Variants in DCAF5 observed in about 807,000 individuals in gnomAD.
DCAF5 encodes the protein DDB1- and CUL4-associated factor 5.
In DCAF5, 9 loss-of-function variants were observed where a neutral mutation model predicts 80.7. The observed-to-expected ratio is 0.11, with a 90% CI of 0.07 to 0.19. The LOEUF is 0.19. Among genes scored for constraint, DCAF5 ranks in the 10% least tolerant of loss-of-function variants. The pLI is 1.00. For missense variants in DCAF5, 842 were observed against 1,205.7 expected (o/e 0.70, Z 4.47); for synonymous variants, 433 against 461.9 (o/e 0.94, Z 0.80).
intron 1 of DCAF5, among the ~76,000 whole-genome samples, chr14:69,147,048 T>C (rs35008190): frequency 0.029 from 4,395 of 151,920 alleles, 75 homozygotes; most frequent in Non-Finnish European, 0.039. Flanking sequence ...AATGTGCTTT[T>C]AGACTAATTT....
At position 69,054,854 on chromosome 14, in the gene DCAF5, C is replaced by T. The variant is rs750926448; in HGVS notation, c.1832G>A (p.Gly611Glu). ...CTGGGGGTAATCATAGTTGTCTTCTCCAATGTAAGTGTTGGTGGGCTTGAT... is the reference window on the plus strand; with the variant it reads ...CTGGGGGTAATCATAGTTGTCTTCTTCAATGTAAGTGTTGGTGGGCTTGAT... ...APIKPTNTYI[G>E]EDNYDYPQIK... Residue 611 changes from glycine to glutamate, a missense_variant, in exon 9 of 9, where the codon GGA becomes GAA. Transcript: ENST00000341516. 6.2e-7 allele frequency: 1 copy of T among 1,614,010 alleles called. No individual in the cohort carries two copies. Among genetic ancestry groups the T allele is most frequent in the African/African-American group, 1.3e-5 (1 of 74,912 alleles).
At chr14:69,069,624 C>T (rs1331397901) in intron 7 of DCAF5, among the ~76,000 whole-genome samples, 3 of 152,042 alleles carry the variant, frequency 2.0e-5, no homozygotes, top group Admixed American at 6.6e-5. Flanking sequence ...TTCTTTCTTT[C>T]GTTCTTTTCT....
intron 7 of DCAF5, among the ~76,000 whole-genome samples, chr14:69,063,834 TACTC>T (rs1345496960): frequency 1.3e-5 from 2 of 152,218 alleles, no homozygotes; most frequent in Non-Finnish European, 2.9e-5. Flanking sequence ...TGCACCCATC[TACTC>T]ACTCAGCCAG....
chr14:69,145,525 T>A (rs1049912771), intron 1 of DCAF5, among the ~76,000 whole-genome samples: 26 of 151,518 alleles, frequency 1.7e-4, no homozygotes, highest in Admixed American at 1.5e-3. Context: ...AAAAAAAAAA[T>A]TTTAATTTCC....
At chr14:69,067,891 T>C (rs1337492950) in intron 7 of DCAF5, among the ~76,000 whole-genome samples, 1 of 151,830 alleles carries the variant, frequency 6.6e-6, no homozygotes, top group Non-Finnish European at 1.5e-5. Context: ...CACCTTGGCC[T>C]CCCAAAGTGC....
At chr14:69,101,002 T>C (rs2039933367) in intron 5 of DCAF5, among the ~76,000 whole-genome samples, 1 of 152,244 alleles carries the variant, frequency 6.6e-6, no homozygotes, top group Admixed American at 6.5e-5. Flanking sequence ...AATGTTTTCA[T>C]GTATATCATA....
intron 5 of DCAF5, among the ~76,000 whole-genome samples, chr14:69,110,618 GT>G (rs2040329756): frequency 1.3e-5 from 2 of 152,022 alleles, no homozygotes; most frequent in South Asian, 4.1e-4. Context: ...GCTCACATCT[GT>G]AATCCTAGCA....
intron 5 of DCAF5, among the ~76,000 whole-genome samples, chr14:69,110,228 CTT>C (rs150033987): frequency 2.2e-5 from 3 of 133,882 alleles, no homozygotes; most frequent in African/African-American, 2.8e-5. Context: ...ATGTATTATG[CTT>C]TTTTTTTTCT....
At chr14:69,083,683 G>A in intron 6 of DCAF5, 2 of 629,348 alleles carry the variant, frequency 3.2e-6, no homozygotes, top group Non-Finnish European at 5.9e-6. Context: ...AACCAATGGA[G>A]AAGCAGCAAT....
chr14:69,108,336 C>T (rs904426792), intron 5 of DCAF5, among the ~76,000 whole-genome samples: 3 of 152,212 alleles, frequency 2.0e-5, no homozygotes, highest in African/African-American at 2.4e-5. Flanking sequence ...GTAACTATGA[C>T]ATGAACACGT....
At chr14:69,113,562 T>C (rs1012255585) in intron 5 of DCAF5, among the ~76,000 whole-genome samples, 1 of 152,196 alleles carries the variant, frequency 6.6e-6, no homozygotes, top group African/African-American at 2.4e-5. Context: ...TTCTATCGTG[T>C]TCCAGGCTTG....
intron 5 of DCAF5, among the ~76,000 whole-genome samples, chr14:69,114,684 T>C (rs2040485776): frequency 6.6e-6 from 1 of 152,182 alleles, no homozygotes. Flanking sequence ...GTTTTTTTGT[T>C]TTTATTTTTT....
chr14:69,057,694 AAC>A (rs570596813), intron 8 of DCAF5, among the ~76,000 whole-genome samples: 5 of 152,188 alleles, frequency 3.3e-5, no homozygotes, highest in Non-Finnish European at 7.3e-5. Context: ...AATGGAGTGA[AAC>A]ACAGGATTAA....
At chr14:69,123,056 T>C (rs2040771538) in intron 1 of DCAF5, among the ~76,000 whole-genome samples, 1 of 151,636 alleles carries the variant, frequency 6.6e-6, no homozygotes. Flanking sequence ...CAGCAAACCA[T>C]AGCAAGCTCT....
chr14:69,061,278 C>G (rs1222304563), intron 8 of DCAF5, among the ~76,000 whole-genome samples: 1 of 152,176 alleles, frequency 6.6e-6, no homozygotes, highest in Admixed American at 6.5e-5. Flanking sequence ...AGGTGTGAGC[C>G]ACCACACCCA....
chr14:69,120,976 A>G (rs547225508), intron 2 of DCAF5, among the ~76,000 whole-genome samples: 1 of 152,344 alleles, frequency 6.6e-6, no homozygotes, highest in East Asian at 1.9e-4. Flanking sequence ...AAACTCAAAT[A>G]ACTCAAAACT....
intron 8 of DCAF5, among the ~76,000 whole-genome samples, chr14:69,056,560 GCCCAGTTACAT>G (rs1371247815): frequency 1.3e-5 from 2 of 152,216 alleles, no homozygotes; most frequent in Non-Finnish European, 2.9e-5. Context: ...GCACAGAGCA[GCCCAGTTACAT>G]CAGCCTGTAG....
At chr14:69,076,323 G>C (rs2038897234) in intron 6 of DCAF5, among the ~76,000 whole-genome samples, 1 of 152,142 alleles carries the variant, frequency 6.6e-6, no homozygotes, top group Admixed American at 6.5e-5. Flanking sequence ...CGGACTCTAA[G>C]AGATATCTGT....
intron 5 of DCAF5, among the ~76,000 whole-genome samples, chr14:69,093,272 C>T (rs1566747441): frequency 6.6e-6 from 1 of 152,138 alleles, no homozygotes; most frequent in Non-Finnish European, 1.5e-5. Flanking sequence ...GACACAAGTG[C>T]CACATCAGAA....
Sources: gnomAD v4.1 joint callset for allele counts (sites outside exome capture counted in the v4.1 genomes callset) on GRCh38, gnomAD v4.1.1 for gene constraint, MANE v1.5 for transcripts, NCBI Gene and HGNC (gene_info 2026-07-23, HGNC 2026-07-21) for gene names.